ARHGEF28: variants seen among roughly 807,000 people sequenced by gnomAD.
ARHGEF28 encodes 190 kDa guanine nucleotide exchange factor.
ARHGEF28 carries 152 observed loss-of-function variants against 206.6 expected under a neutral mutation model. The observed-to-expected ratio is 0.74, with a 90% CI of 0.64 to 0.84. ARHGEF28 has a LOEUF of 0.84. Among genes scored for constraint, ARHGEF28 ranks in the 40% least tolerant of loss-of-function variants. The pLI, the probability that ARHGEF28 is intolerant of heterozygous loss-of-function variation, is 0.00. For synonymous variants in ARHGEF28, 763 were observed against 776.4 expected, an observed-to-expected ratio of 0.98 and a Z score of 0.29; for missense variants, 2,028 against 2,073.2, an observed-to-expected ratio of 0.98 and a Z score of 0.42.
intron 14 of ARHGEF28, among the ~76,000 whole-genome samples, chr5:73,854,781 G>A (rs148138925): frequency 0.027 from 4,126 of 151,868 alleles, 79 homozygotes; most frequent in Non-Finnish European, 0.041. Flanking sequence ...GCAATGAGCC[G>A]AGATCGTGCC....
chr5:73,758,238 C>T (rs1752418298), intron 4 of ARHGEF28, among the ~76,000 whole-genome samples: 1 of 152,054 alleles, frequency 6.6e-6, no homozygotes, highest in African/African-American at 2.4e-5. Flanking sequence ...TCGAGCTTGT[C>T]CTGGTTAGGA....
chr5:73,657,172 CAA>C (rs76970237), intron 1 of ARHGEF28, among the ~76,000 whole-genome samples: 36,928 of 95,126 alleles, frequency 0.39, 5,832 homozygotes, highest in Admixed American at 0.52. Context: ...GACTCCGTCC[CAA>C]AAAAAAAAAA....
chr5:73,902,788 T>G (rs1762342196), intron 31 of ARHGEF28: 1 of 152,236 alleles, frequency 6.6e-6, no homozygotes, highest in South Asian at 2.1e-4. Context: ...TCCTGTCTTG[T>G]GTCAAACCTA....
chr5:73,878,609 G>A (rs1196712833), intron 22 of ARHGEF28, among the ~76,000 whole-genome samples: 6 of 149,556 alleles, frequency 4.0e-5, no homozygotes, highest in Admixed American at 2.0e-4. Flanking sequence ...AGCTCTTTTA[G>A]GGCAGGCCTG....
chr5:73,635,213 C>G (rs1358356913), intron 1 of ARHGEF28, among the ~76,000 whole-genome samples: 2 of 152,158 alleles, frequency 1.3e-5, no homozygotes, highest in African/African-American at 4.8e-5. Flanking sequence ...CATGGTGGCA[C>G]ATGCCTATAG....
chr5:73,823,736 A>G (rs1267379585), intron 9 of ARHGEF28, among the ~76,000 whole-genome samples: 1 of 152,232 alleles, frequency 6.6e-6, no homozygotes, highest in Non-Finnish European at 1.5e-5. Flanking sequence ...CATTGCTCAA[A>G]TACCATTTTC....
At chr5:73,781,215 G>C (rs897663639) in intron 7 of ARHGEF28, among the ~76,000 whole-genome samples, 1 of 152,208 alleles carries the variant, frequency 6.6e-6, no homozygotes, top group Non-Finnish European at 1.5e-5. Context: ...TGAGGCATCA[G>C]GGCTGCTGGA....
chr5:73,850,995 A>G (rs1457299907), intron 13 of ARHGEF28, among the ~76,000 whole-genome samples: 1 of 152,184 alleles, frequency 6.6e-6, no homozygotes, highest in Non-Finnish European at 1.5e-5. Context: ...ATTTGGATTG[A>G]TACCATTTAG....
intron 29 of ARHGEF28, among the ~76,000 whole-genome samples, chr5:73,895,055 G>C (rs570407256): frequency 2.0e-5 from 3 of 152,284 alleles, no homozygotes; most frequent in Admixed American, 2.0e-4. Context: ...ATGAGTCCAG[G>C]GTTCACTAGG....
At chr5:73,805,520 G>T (rs1755382397) in intron 9 of ARHGEF28, among the ~76,000 whole-genome samples, 1 of 152,136 alleles carries the variant, frequency 6.6e-6, no homozygotes, top group African/African-American at 2.4e-5. Context: ...GGTTGATACA[G>T]TTTTTCTCGC....
chr5:73,812,075 G>T (rs1755873047), intron 9 of ARHGEF28, among the ~76,000 whole-genome samples: 1 of 150,584 alleles, frequency 6.6e-6, no homozygotes, highest in Non-Finnish European at 1.5e-5. Context: ...GTTGTATTTT[G>T]TTTTAGTTGT....
intron 2 of ARHGEF28, among the ~76,000 whole-genome samples, chr5:73,721,926 G>T (rs1749974237): frequency 6.6e-6 from 1 of 152,138 alleles, no homozygotes; most frequent in Non-Finnish European, 1.5e-5. Flanking sequence ...GGTATAAAGG[G>T]CTCAGCAGCA....
intron 29 of ARHGEF28, among the ~76,000 whole-genome samples, chr5:73,897,443 G>T (rs1463529581): frequency 1.3e-5 from 2 of 152,170 alleles, no homozygotes; most frequent in African/African-American, 4.8e-5. Flanking sequence ...TGGAGCCAAA[G>T]ACTGGGAATC....
chr5:73,918,922 C>T (rs1242957480), intron 35 of ARHGEF28, among the ~76,000 whole-genome samples: 2 of 152,140 alleles, frequency 1.3e-5, no homozygotes, highest in Non-Finnish European at 2.9e-5. Context: ...ATCTAACATT[C>T]TTCTTAGTTG....
At position 73,762,156 on chromosome 5, in the gene ARHGEF28, T is replaced by TA. The variant is rs1014155194; in HGVS notation, c.475+8961dup. ...TGGTTCTATCTTTCCTTGCCCTCTTTAAAAAAATCTATTTTGAGGCTGAGT... is the reference window on the plus strand; with the variant it reads ...TGGTTCTATCTTTCCTTGCCCTCTTTAAAAAAAATCTATTTTGAGGCTGAGT... On this transcript the variant is annotated intron_variant, in intron 4 of 35. Coordinates refer to ENST00000513042, the MANE Select transcript of ARHGEF28 (RefSeq NM_001177693.2). 7.9e-5 allele frequency among the ~76,000 whole-genome samples: 12 copies of TA among 151,816 alleles called. No individual in the cohort carries two copies. In the South Asian group the frequency reaches 1.5e-3, roughly 18 times the overall value.
Position 73,932,009 on chromosome 5 carries a change from CA to C in ARHGEF28, c.4949-8832del, listed in dbSNP as rs138501581. Among the ~76,000 whole-genome samples, 506 of 152,268 alleles carry C rather than the reference CA, an allele frequency of 3.3e-3. 2 individuals carry two copies. The highest frequency in any genetic ancestry group is 0.02 in the East Asian group (103 of 5,182). On this transcript the variant is annotated intron_variant, in intron 35 of 35. Coordinates refer to ENST00000513042, the MANE Select transcript of ARHGEF28 (RefSeq NM_001177693.2). ...AGATCACCTTGAAATACCTTAAAAA[CA>C]AACGTAAATGGTGAAGCTTTTGGTG...
chr5:73,742,563 G>A (rs995819784), intron 2 of ARHGEF28, among the ~76,000 whole-genome samples: 13 of 151,708 alleles, frequency 8.6e-5, no homozygotes, highest in East Asian at 3.9e-4. Flanking sequence ...AGTGGCTCAC[G>A]CCTGTAATCC....
intron 31 of ARHGEF28, 161 bp from the exon 32 acceptor site, chr5:73,904,061 T>C: frequency 4.5e-6 from 3 of 674,150 alleles, no homozygotes. Context: ...TTTGATTCTA[T>C]AGGCTTTTAT....
intron 9 of ARHGEF28, among the ~76,000 whole-genome samples, chr5:73,827,272 C>G (rs935501363): frequency 1.3e-5 from 2 of 152,132 alleles, no homozygotes; most frequent in Non-Finnish European, 2.9e-5. Context: ...CTTCGTGAAG[C>G]AAATGGAATG....
Sources: gnomAD v4.1 joint callset for allele counts (sites outside exome capture counted in the v4.1 genomes callset) on GRCh38, gnomAD v4.1.1 for gene constraint, MANE v1.5 for transcripts, NCBI Gene and HGNC (gene_info 2026-07-23, HGNC 2026-07-21) for gene names.